Variants in GPATCH2L observed in about 807,000 individuals in gnomAD.
The protein encoded by GPATCH2L is G patch domain-containing protein 2-like.
Under a neutral mutation model 57.4 loss-of-function variants are expected in GPATCH2L, and 31 were observed. That is an observed-to-expected ratio of 0.54 (90% CI 0.41 to 0.73). The LOEUF is 0.73. GPATCH2L is among the 30% of genes least tolerant of loss of function. The probability of loss-of-function intolerance (pLI) is 0.00; values close to 1 mark genes in which losing one functional copy is unlikely to be tolerated. For synonymous variants in GPATCH2L, 199 were observed against 210.7 expected (o/e 0.94, Z 0.48); for missense variants, 481 against 599.9 (o/e 0.80, Z 2.07).
intron 3 of GPATCH2L, among the ~76,000 whole-genome samples, chr14:76,169,316 G>C (rs2038982277): frequency 6.6e-6 from 1 of 152,082 alleles, no homozygotes; most frequent in African/African-American, 2.4e-5. Context: ...CTTATTATGT[G>C]CAACCACAGT....
At chr14:76,223,283 G>T (rs989736160) in intron 1 of GPATCH2L, among the ~76,000 whole-genome samples, 2 of 152,116 alleles carry the variant, frequency 1.3e-5, no homozygotes, top group East Asian at 3.9e-4. Context: ...TTTATTTTAG[G>T]AATGCAAGAT....
At chr14:76,193,669 G>C (rs1174918568) in intron 8 of GPATCH2L, among the ~76,000 whole-genome samples, 1 of 152,160 alleles carries the variant, frequency 6.6e-6, no homozygotes, top group Non-Finnish European at 1.5e-5. Flanking sequence ...GAAGCTCCCT[G>C]TGCCTCTTTC....
intron 6 of GPATCH2L, among the ~76,000 whole-genome samples, 168 bp downstream of exon 6, chr14:76,176,858 A>G (rs1195946710): frequency 2.0e-5 from 3 of 151,886 alleles, no homozygotes; most frequent in African/African-American, 4.8e-5. Context: ...TGTGGCAGTG[A>G]TTTTCTTTTC....
intron 3 of GPATCH2L, among the ~76,000 whole-genome samples, chr14:76,169,065 C>A (rs965705658): frequency 1.3e-5 from 2 of 152,226 alleles, no homozygotes; most frequent in Admixed American, 6.5e-5. Flanking sequence ...GCTTCACTAT[C>A]CCCTTGTGGG....
chr14:76,201,112 G>T (rs760149312), intron 9 of GPATCH2L, among the ~76,000 whole-genome samples: 7 of 152,108 alleles, frequency 4.6e-5, no homozygotes, highest in Non-Finnish European at 1.0e-4. Flanking sequence ...GGGCCTGATT[G>T]TGCTCTTTTT....
chr14:76,194,344 C>G (rs999761312), intron 8 of GPATCH2L, among the ~76,000 whole-genome samples: 2 of 152,122 alleles, frequency 1.3e-5, no homozygotes, highest in African/African-American at 2.4e-5. Context: ...TTTTCCAAAC[C>G]ACTGGCTTTG....
chr14:76,184,144 G>A (rs948409853), intron 8 of GPATCH2L, among the ~76,000 whole-genome samples: 7 of 152,010 alleles, frequency 4.6e-5, no homozygotes, highest in East Asian at 3.9e-4. Flanking sequence ...AGCTTTCCCC[G>A]AGGAGGGCTG....
chr14:76,215,659 C>T (rs1209511168), downstream of GPATCH2L, among the ~76,000 whole-genome samples: 39 of 150,466 alleles, frequency 2.6e-4, no homozygotes, highest in South Asian at 4.3e-4. Flanking sequence ...AGTAAACTAT[C>T]GCAAGAACAA....
In GPATCH2L at chr14:76,154,286, C is replaced by G; in HGVS notation, c.-10-68C>G. ...ATCAAATTATTCCAAAACAACAGAT[C>G]CTTTTTCAGGCTTTCTTTTTCTTTT... is the stretch of plus-strand genomic sequence containing the variant. On this transcript the variant is annotated intron_variant, in intron 1 of 9. Coordinates refer to ENST00000261530, the MANE Select transcript of GPATCH2L (RefSeq NM_017926.4). This position sits in a 1 kb window ranked among gnomAD's most constrained non-coding sequence, Gnocchi z 4.4. 1 of 1,314,120 alleles carries G rather than the reference C, an allele frequency of 7.6e-7. No homozygotes were observed. Among genetic ancestry groups the G allele is most frequent in the Non-Finnish European group, 1.0e-6 (1 of 953,636 alleles). 81.4% of individuals were successfully genotyped at this position (1,314,120 alleles called of 1,614,324 possible).
chr14:76,192,451 T>C (rs1179549878), intron 8 of GPATCH2L, among the ~76,000 whole-genome samples: 1 of 152,154 alleles, frequency 6.6e-6, no homozygotes. Context: ...GAAATAGCTC[T>C]CCAACCTTGA....
At chr14:76,226,299 C>T (rs1050975516) in intron 1 of GPATCH2L, among the ~76,000 whole-genome samples, 5 of 152,194 alleles carry the variant, frequency 3.3e-5, no homozygotes, top group African/African-American at 1.2e-4. Context: ...CTGTATGCAG[C>T]AACACGTATG....
In GPATCH2L at chr14:76,188,235, A is replaced by G. The variant is rs185004948; in HGVS notation, c.1193+7386A>G. ...TTCCTTTCTTTTGGGTATTTACCCA[A>G]TAGTGAGATTGCTGGATCATATGGT... On this transcript the variant is annotated intron_variant, in intron 8 of 9. Transcript: ENST00000261530. 2.8e-3 allele frequency among the ~76,000 whole-genome samples: 431 copies of G among 152,214 alleles called. 1 individual carries two copies. Among genetic ancestry groups the G allele is most frequent in the African/African-American group, 9.9e-3 (411 of 41,558 alleles).
chr14:76,206,872 T>A lies in GPATCH2L; in HGVS notation c.*5021T>A, dbSNP rs989682262. 2.6e-5 allele frequency: 4 copies of A among 152,156 alleles called. No individual in the cohort carries two copies. Among genetic ancestry groups the A allele is most frequent in the African/African-American group, 9.7e-5 (4 of 41,444 alleles). 9.4% of individuals were successfully genotyped at this position (152,156 alleles called of 1,614,324 possible). Reference sequence around the variant, plus strand: ...CATATTCCCTCCATAAGTAAAGAGATTTTTTTTGTATAATTCTTTGCAGAA... The same window carrying A: ...CATATTCCCTCCATAAGTAAAGAGAATTTTTTTGTATAATTCTTTGCAGAA... On this transcript the variant is annotated 3_prime_UTR_variant, in exon 10 of 10. Transcript: ENST00000261530.
downstream of GPATCH2L, among the ~76,000 whole-genome samples, chr14:76,216,982 CATATAA>C (rs1278308135): frequency 1.3e-5 from 2 of 152,068 alleles, no homozygotes; most frequent in Non-Finnish European, 2.9e-5. Flanking sequence ...TATATAGCTA[CATATAA>C]ATATATAGCT....
At chr14:76,185,152 G>A (rs2039718099) in intron 8 of GPATCH2L, among the ~76,000 whole-genome samples, 1 of 152,182 alleles carries the variant, frequency 6.6e-6, no homozygotes. Flanking sequence ...TTGTCAGGTG[G>A]ATATATGGAT....
intron 1 of GPATCH2L, among the ~76,000 whole-genome samples, chr14:76,221,370 A>G (rs1392722097): frequency 6.6e-6 from 1 of 152,218 alleles, no homozygotes; most frequent in African/African-American, 2.4e-5. Context: ...ATGTGGAGCA[A>G]CAGGAACGCT....
intron 8 of GPATCH2L, among the ~76,000 whole-genome samples, chr14:76,192,463 A>C (rs981904125): frequency 6.6e-6 from 1 of 152,130 alleles, no homozygotes. Context: ...CAACCTTGAA[A>C]TGGGTCTTAA....
intron 8 of GPATCH2L, among the ~76,000 whole-genome samples, chr14:76,187,637 G>C (rs1299183972): frequency 6.6e-6 from 1 of 152,056 alleles, no homozygotes; most frequent in Non-Finnish European, 1.5e-5. Flanking sequence ...TACATGAGAT[G>C]GTTTGATATA....
In GPATCH2L at chr14:76,154,022, T is replaced by C. The variant is rs749951464; in HGVS notation, c.-10-332T>C. ...TTAGGTAATTCAATGACAAGTTTAATTGGGGAAAAGAGAGAAGGATCTAGT... is the reference window on the plus strand; with the variant it reads ...TTAGGTAATTCAATGACAAGTTTAACTGGGGAAAAGAGAGAAGGATCTAGT... On this transcript the variant is annotated intron_variant, in intron 1 of 9. Coordinates refer to ENST00000261530, the MANE Select transcript of GPATCH2L (RefSeq NM_017926.4). The surrounding 1 kb of genome is among the most constrained non-coding windows in gnomAD (Gnocchi z 4.4). 4.1e-5 allele frequency: 8 copies of C among 195,502 alleles called. 1 individual carries two copies. The highest frequency in any genetic ancestry group is 4.1e-3 in the Middle Eastern group (2 of 486). 12.1% of individuals were successfully genotyped at this position (195,502 alleles called of 1,614,324 possible).
Sources: allele counts gnomAD v4.1 joint callset (sites outside exome capture counted in the v4.1 genomes callset), GRCh38; gene constraint gnomAD v4.1.1; non-coding constraint Gnocchi (gnomAD v3.1); transcripts MANE v1.5; gene names NCBI Gene and HGNC (gene_info 2026-07-23, HGNC 2026-07-21).